The following SEL1L variants were observed in gnomAD, a reference collection of about 807,000 sequenced individuals.
SEL1L encodes SEL1L adaptor subunit of SYVN1 ubiquitin ligase.
Under a neutral mutation model 109.8 loss-of-function variants are expected in SEL1L, and 52 were observed. That is an observed-to-expected ratio of 0.47 (90% CI 0.38 to 0.60). The LOEUF (loss-of-function observed/expected upper bound fraction) is 0.60. SEL1L is among the 20% of genes least tolerant of loss of function. The pLI, the probability that SEL1L is intolerant of heterozygous loss-of-function variation, is 0.00. For missense variants in SEL1L, 749 were observed against 962.2 expected, an observed-to-expected ratio of 0.78 and a Z score of 2.93; for synonymous variants, 373 against 339.6, an observed-to-expected ratio of 1.10 and a Z score of -1.08.
chr14:81,508,254 T>A (rs1884321558), intron 3 of SEL1L, among the ~76,000 whole-genome samples: 1 of 152,200 alleles, frequency 6.6e-6, no homozygotes, highest in Admixed American at 6.5e-5. Flanking sequence ...TAAATGTCAC[T>A]CATCATCCTG....
rs1225581339 is a variant in SEL1L at position 81,475,570 on chromosome 14, T to A, written c.*1402A>T. The A allele has an allele frequency of 6.6e-6, 1 of 152,186 alleles. No homozygotes were observed. The highest frequency in any genetic ancestry group is 2.4e-5 in the African/African-American group (1 of 41,446). 9.4% of individuals were successfully genotyped at this position (152,186 alleles called of 1,614,324 possible). On this transcript the variant is annotated 3_prime_UTR_variant, in exon 21 of 21. Coordinates refer to ENST00000336735, the MANE Select transcript of SEL1L (RefSeq NM_005065.6). Reference sequence around the variant, plus strand: ...ATAAACATACTGACATCAGTAGGCATAGAAAACCTGCTCAGATACGAATGC... The same window carrying A: ...ATAAACATACTGACATCAGTAGGCAAAGAAAACCTGCTCAGATACGAATGC...
At chr14:81,511,751 CAG>C (rs1247666078) in intron 3 of SEL1L, among the ~76,000 whole-genome samples, 1 of 152,210 alleles carries the variant, frequency 6.6e-6, no homozygotes, top group African/African-American at 2.4e-5. Flanking sequence ...AAACTTGCTT[CAG>C]AACCCAATTT....
intron 10 of SEL1L, among the ~76,000 whole-genome samples, chr14:81,496,131 G>A (rs1483166106): frequency 6.6e-6 from 1 of 151,980 alleles, no homozygotes; most frequent in Non-Finnish European, 1.5e-5. Flanking sequence ...AGACCATCCT[G>A]GATAACATGG....
rs1262050733 is a variant in SEL1L, at chr14:81,473,235, A to G, written c.*3737T>C. On this transcript the variant is annotated 3_prime_UTR_variant, in exon 21 of 21. Coordinates refer to ENST00000336735, the MANE Select transcript of SEL1L (RefSeq NM_005065.6). The stretch of plus-strand genomic sequence containing the variant: ...TAGTGTCAGCCTGTTTCTCAAACCA[A>G]ATAGGAAAAACAGCATGTGAGATGA... 6.6e-6 allele frequency: 1 copy of G among 152,228 alleles called. No homozygotes were observed. The highest frequency in any genetic ancestry group is 1.5e-5 in the Non-Finnish European group (1 of 68,040). 9.4% of individuals were successfully genotyped at this position (152,228 alleles called of 1,614,324 possible). A position where few individuals can be genotyped will look rare whatever the true frequency, so the allele number is the denominator to read the frequency against.
intron 6 of SEL1L, among the ~76,000 whole-genome samples, chr14:81,501,465 A>G (rs1195399939): frequency 6.6e-6 from 1 of 152,192 alleles, no homozygotes; most frequent in African/African-American, 2.4e-5. Context: ...GATTCACGCA[A>G]AGAAGAGAAA....
At chr14:81,502,594 C>T (rs1157092936) in intron 6 of SEL1L, 127 bp downstream of exon 6, 3 of 906,550 alleles carry the variant, frequency 3.3e-6, no homozygotes, top group Admixed American at 2.4e-5. Flanking sequence ...ATAAAATGGT[C>T]AGCCACAAAA....
intron 11 of SEL1L, among the ~76,000 whole-genome samples, chr14:81,493,389 A>G (rs1356605249): frequency 1.3e-5 from 2 of 152,154 alleles, no homozygotes; most frequent in Non-Finnish European, 2.9e-5. Context: ...ATGCACCTGT[A>G]TTCCCAGCTA....
intron 20 of SEL1L, 43 bp downstream of exon 20, chr14:81,479,569 T>G: frequency 6.3e-7 from 1 of 1,575,542 alleles, no homozygotes; most frequent in South Asian, 1.2e-5. Flanking sequence ...GGACAGACCT[T>G]CCATCATTTA....
chr14:81,518,105 C>A (rs2140046784), intron 3 of SEL1L, among the ~76,000 whole-genome samples: 1 of 151,852 alleles, frequency 6.6e-6, no homozygotes, highest in African/African-American at 2.4e-5. Context: ...ATTGGCCAGG[C>A]TGGTCTTGAA....
intron 18 of SEL1L, chr14:81,484,645 G>A (rs548779259): frequency 5.5e-5 from 19 of 347,042 alleles, no homozygotes; most frequent in Admixed American, 7.8e-5. Flanking sequence ...TGTGTAGGGG[G>A]ACAGGTTTAA....
chr14:81,509,030 A>C (rs562475597), intron 3 of SEL1L, among the ~76,000 whole-genome samples: 1 of 152,328 alleles, frequency 6.6e-6, no homozygotes, highest in South Asian at 2.1e-4. Context: ...AATTTAGTCA[A>C]AACTGCAACC....
intron 3 of SEL1L, among the ~76,000 whole-genome samples, chr14:81,510,706 A>G (rs1460896598): frequency 6.6e-6 from 1 of 152,138 alleles, no homozygotes; most frequent in Non-Finnish European, 1.5e-5. Context: ...AAATAAGAAA[A>G]TTATCTATTA....
chr14:81,476,749 T>C lies in SEL1L; in HGVS notation c.*223A>G, dbSNP rs1566968340. Reference sequence around the variant, plus strand: ...AAAAAAAAGCCACTGAAAGTTGTTATTCCATATGGCACTGAAACAAACATT... The same window carrying C: ...AAAAAAAAGCCACTGAAAGTTGTTACTCCATATGGCACTGAAACAAACATT... On this transcript the variant is annotated 3_prime_UTR_variant, in exon 21 of 21. Coordinates refer to ENST00000336735, the MANE Select transcript of SEL1L (RefSeq NM_005065.6). 2.2e-5 allele frequency: 11 copies of C among 505,010 alleles called. No individual in the cohort carries two copies. In the East Asian group the frequency reaches 2.6e-4, roughly 12 times the overall value. The allele number at this position is 505,010 out of a possible 1,614,324, so 31.3% of individuals were successfully genotyped here. A position where few individuals can be genotyped will look rare whatever the true frequency, so the allele number is the denominator to read the frequency against.
intron 3 of SEL1L, among the ~76,000 whole-genome samples, chr14:81,521,367 C>T (rs923676333): frequency 2.0e-5 from 3 of 151,932 alleles, no homozygotes; most frequent in East Asian, 1.9e-4. Flanking sequence ...AAAAAAGTTA[C>T]GAAAGATCAC....
At chr14:81,523,899 G>T (rs1293628240) in intron 3 of SEL1L, among the ~76,000 whole-genome samples, 5 of 152,164 alleles carry the variant, frequency 3.3e-5, no homozygotes, top group African/African-American at 7.2e-5. Context: ...CCTTGGTTTG[G>T]TTTTTACTAT....
chr14:81,512,288 G>GCCAA (rs1884514003), intron 3 of SEL1L, among the ~76,000 whole-genome samples: 2 of 152,186 alleles, frequency 1.3e-5, no homozygotes, highest in Non-Finnish European at 2.9e-5. Flanking sequence ...AATGGCCTTT[G>GCCAA]GTTCTGTTTC....
intron 3 of SEL1L, among the ~76,000 whole-genome samples, chr14:81,515,506 T>C (rs1441854708): frequency 6.6e-6 from 1 of 152,042 alleles, no homozygotes; most frequent in African/African-American, 2.4e-5. Context: ...CAGCAAGCCG[T>C]CCCCAGTATG....
At chr14:81,495,056 A>G (rs1197945541) in intron 11 of SEL1L, 25 bp downstream of exon 11, 1 of 1,608,872 alleles carries the variant, frequency 6.2e-7, no homozygotes, top group Admixed American at 1.7e-5. Flanking sequence ...ACTGAGATGC[A>G]AAGCCCTAGG....
At chr14:81,515,943 A>G (rs1884683188) in intron 3 of SEL1L, among the ~76,000 whole-genome samples, 1 of 152,150 alleles carries the variant, frequency 6.6e-6, no homozygotes, top group Non-Finnish European at 1.5e-5. Flanking sequence ...CAGACAAACA[A>G]ACCTTGGTGG....
Sources: gnomAD v4.1 joint callset for allele counts (sites outside exome capture counted in the v4.1 genomes callset) on GRCh38, gnomAD v4.1.1 for gene constraint, MANE v1.5 for transcripts, NCBI Gene and HGNC (gene_info 2026-07-23, HGNC 2026-07-21) for gene names.